The following C19orf38 variants were observed in gnomAD, a reference collection of about 807,000 sequenced individuals.
C19orf38 encodes the protein chromosome 19 open reading frame 38, also known as protein HIDE1.
C19orf38 carries 14 observed loss-of-function variants against 26.6 expected under a neutral mutation model. That is an observed-to-expected ratio of 0.53 (90% CI 0.35 to 0.82). The LOEUF (loss-of-function observed/expected upper bound fraction) is 0.82. Ranked by LOEUF, C19orf38 falls within the 40% of genes least tolerant of loss-of-function variation. The pLI, the probability that C19orf38 is intolerant of heterozygous loss-of-function variation, is 0.01. For missense variants in C19orf38, 261 were observed against 299.5 expected (o/e 0.87, Z 0.95); for synonymous variants, 132 against 128.5 (o/e 1.03, Z -0.18).
chr19:10,846,812 TA>T (rs2073522157), upstream of C19orf38, among the ~76,000 whole-genome samples: 1 of 152,312 alleles, frequency 6.6e-6, no homozygotes, highest in African/African-American at 2.4e-5. Context: ...AATAAAGGAA[TA>T]TTACAGGGCA....
chr19:10,845,384 A>G (rs564333702), upstream of C19orf38, among the ~76,000 whole-genome samples: 10 of 152,308 alleles, frequency 6.6e-5, 1 homozygote, highest in South Asian at 2.1e-3. Flanking sequence ...GGAGTTAAAA[A>G]TCATTAACAG....
intron 6 of C19orf38, among the ~76,000 whole-genome samples, chr19:10,865,753 C>T (rs1383522481): frequency 4.6e-5 from 7 of 152,204 alleles, no homozygotes; most frequent in Admixed American, 3.9e-4. Context: ...CAGGTAACCA[C>T]TGTTAGCAGC....
At chr19:10,846,436 C>A (rs1283040120), upstream of C19orf38, among the ~76,000 whole-genome samples, 17 of 151,832 alleles carry the variant, frequency 1.1e-4, no homozygotes, top group Admixed American at 1.1e-3. Context: ...ATACAAATTT[C>A]TGCTGGTGAA....
chr19:10,841,940 G>A (rs1037542991), intron 1 of C19orf38: 21 of 1,608,910 alleles, frequency 1.3e-5, no homozygotes, highest in Middle Eastern at 2.3e-4. Context: ...GATTTGTCAC[G>A]AATGGGAAGC....
chr19:10,844,469 G>C (rs1251034180), upstream of C19orf38, among the ~76,000 whole-genome samples: 4 of 151,684 alleles, frequency 2.6e-5, no homozygotes, highest in African/African-American at 9.7e-5. Context: ...CCAGCACTTT[G>C]GGAGGCCAAG....
intron 5 of C19orf38, among the ~76,000 whole-genome samples, chr19:10,861,602 G>C (rs1217704744): frequency 6.6e-6 from 1 of 151,962 alleles, no homozygotes; most frequent in Non-Finnish European, 1.5e-5. Flanking sequence ...TTTTGAGATG[G>C]AGTCTCATTG....
chr19:10,869,386 C>A lies in C19orf38; in HGVS notation c.*19C>A. 1 of 1,535,134 alleles carries A rather than the reference C, an allele frequency of 6.5e-7. No homozygotes were observed. Reference sequence around the variant, plus strand: ...CCAGTGAGGCTGAGGACTGGGGGACCCCTCTGTCTCCAGGCATTCGGGGGC... The same window carrying A: ...CCAGTGAGGCTGAGGACTGGGGGACACCTCTGTCTCCAGGCATTCGGGGGC... On this transcript the variant is annotated 3_prime_UTR_variant, in exon 7 of 7. Coordinates refer to ENST00000397820, the MANE Select transcript of C19orf38 (RefSeq NM_001136482.3).
intron 2 of C19orf38, among the ~76,000 whole-genome samples, chr19:10,852,727 A>C (rs550215286): frequency 4.6e-5 from 7 of 152,188 alleles, no homozygotes; most frequent in Non-Finnish European, 7.4e-5. Flanking sequence ...GAGGCGGGGC[A>C]GGGAGTTCAC....
At chr19:10,854,235 G>C (rs1045370521) in intron 2 of C19orf38, among the ~76,000 whole-genome samples, 2 of 151,580 alleles carry the variant, frequency 1.3e-5, no homozygotes, top group African/African-American at 4.8e-5. Context: ...GCTAATTTTT[G>C]TATTTTTTAG....
upstream of C19orf38, among the ~76,000 whole-genome samples, chr19:10,845,294 C>T (rs530773645): frequency 6.1e-4 from 93 of 152,180 alleles, no homozygotes; most frequent in Middle Eastern, 6.8e-3. Flanking sequence ...TTCTAGCGTA[C>T]GTACAATGTG....
intron 5 of C19orf38, 38 bp from the exon 6 acceptor site, chr19:10,863,132 G>C: frequency 6.5e-7 from 1 of 1,544,566 alleles, no homozygotes; most frequent in Non-Finnish European, 8.8e-7. Context: ...GTTACAACTG[G>C]CCCCCAATCC....
chr19:10,861,465 G>A (rs751522910), intron 5 of C19orf38, among the ~76,000 whole-genome samples: 23 of 152,190 alleles, frequency 1.5e-4, no homozygotes, highest in Admixed American at 2.6e-4. Flanking sequence ...GGGTCCTTTC[G>A]TAACCAAGAC....
chr19:10,854,354 G>A (rs565096329), intron 2 of C19orf38, among the ~76,000 whole-genome samples: 8 of 152,182 alleles, frequency 5.3e-5, no homozygotes, highest in African/African-American at 1.9e-4. Flanking sequence ...ATGAGCCACC[G>A]CGCCTGGCCC....
chr19:10,858,005 G>T (rs1171675523), intron 3 of C19orf38, among the ~76,000 whole-genome samples: 1 of 151,868 alleles, frequency 6.6e-6, no homozygotes, highest in African/African-American at 2.4e-5. Flanking sequence ...CGAGGCAAGT[G>T]GATCACTTGA....
intron 1 of C19orf38, chr19:10,842,043 G>T (rs1477182023): frequency 1.2e-6 from 2 of 1,609,666 alleles, no homozygotes; most frequent in African/African-American, 1.3e-5. Context: ...TCCATCTGTT[G>T]CTCAGATTGG....
At chr19:10,845,614 T>C (rs1208956399), upstream of C19orf38, among the ~76,000 whole-genome samples, 1 of 152,164 alleles carries the variant, frequency 6.6e-6, no homozygotes, top group East Asian at 1.9e-4. Flanking sequence ...GTGCGGTGGC[T>C]CACGCCTGTA....
upstream of C19orf38, among the ~76,000 whole-genome samples, chr19:10,844,278 G>A (rs376547549): frequency 2.0e-5 from 3 of 150,602 alleles, no homozygotes; most frequent in East Asian, 3.9e-4. Context: ...GGTGGCACAC[G>A]TGTAATCCCC....
At chr19:10,842,187 GT>G (rs1310000082) in intron 1 of C19orf38, 1 of 1,552,192 alleles carries the variant, frequency 6.4e-7, no homozygotes, top group African/African-American at 1.4e-5. Context: ...GGCAAATGTG[GT>G]TCTGAAATGG....
At chr19:10,862,334 A>T (rs2073707178) in intron 5 of C19orf38, among the ~76,000 whole-genome samples, 1 of 151,128 alleles carries the variant, frequency 6.6e-6, no homozygotes, top group Non-Finnish European at 1.5e-5. Context: ...CCTCCTGAGT[A>T]GCTGGGACCA....
Sources: gnomAD v4.1 joint callset for allele counts (sites outside exome capture counted in the v4.1 genomes callset) on GRCh38, gnomAD v4.1.1 for gene constraint, MANE v1.5 for transcripts, NCBI Gene and HGNC (gene_info 2026-07-23, HGNC 2026-07-21) for gene names.